Variants in ADCY3 observed in about 807,000 individuals in gnomAD.
ADCY3 encodes the protein adenylate cyclase type 3.
Under a neutral mutation model 119.4 loss-of-function variants are expected in ADCY3, and 70 were observed. That is an observed-to-expected ratio of 0.59 (90% CI 0.48 to 0.72). The LOEUF is 0.72. ADCY3 is among the 30% of genes least tolerant of loss of function. The probability of loss-of-function intolerance (pLI) is 0.00; values close to 1 mark genes in which losing one functional copy is unlikely to be tolerated. For synonymous variants in ADCY3, 672 were observed against 621.4 expected, an observed-to-expected ratio of 1.08 and a Z score of -1.21; for missense variants, 1,238 against 1,541.6, an observed-to-expected ratio of 0.80 and a Z score of 3.30.
Position 24,824,553 on chromosome 2 carries a change from G to A in ADCY3, c.2578-17C>T, listed in dbSNP as rs2148391943. 1 of 1,613,372 alleles carries A rather than the reference G, an allele frequency of 6.2e-7. No homozygotes were observed. Among genetic ancestry groups the A allele is most frequent in the Non-Finnish European group, 8.5e-7 (1 of 1,179,426 alleles). ...TTTTTCTACCTACAGACACAGACAA[G>A]GCGAGGCATGTGCTCTAAGCTGGCC... On this transcript the variant is annotated splice_polypyrimidine_tract_variant and intron_variant, in intron 16 of 21. Transcript: ENST00000679454.
At chr2:24,911,697 T>TTGG (rs1224356727) in intron 2 of ADCY3, among the ~76,000 whole-genome samples, 1 of 147,512 alleles carries the variant, frequency 6.8e-6, no homozygotes, top group Non-Finnish European at 1.5e-5. Flanking sequence ...TGAATTTTTT[T>TTGG]TGGTGGTTGT....
At position 24,856,456 on chromosome 2, in the gene ADCY3, C is replaced by A. The variant is rs112792816; in HGVS notation, c.826-14072G>T. ...TAATCCAGATTCTTAGAGTGTCCAG[C>A]CAATTTGGAAGCCAAAAAGTCACTG... On this transcript the variant is annotated intron_variant, in intron 3 of 21. Coordinates refer to ENST00000679454, the MANE Select transcript of ADCY3 (RefSeq NM_004036.5). 1.4e-3 allele frequency among the ~76,000 whole-genome samples: 211 copies of A among 152,240 alleles called. 2 individuals are homozygous for A. Among genetic ancestry groups the A allele is most frequent in the Middle Eastern group, 3.4e-3 (1 of 294 alleles).
At position 24,899,004 on chromosome 2, in the gene ADCY3, A is replaced by G. The variant is rs1259550012; in HGVS notation, c.675+19309T>C. Among the ~76,000 whole-genome samples, 1 of 151,100 alleles carries G rather than the reference A, an allele frequency of 6.6e-6. No individual in the cohort carries two copies. The highest frequency in any genetic ancestry group is 1.5e-5 in the Non-Finnish European group (1 of 67,748). ...ACCACGCACTCAATAGCCTCCAAAC[A>G]CTCCACTGTCCCCTCATGCCCCTTG... On this transcript the variant is annotated intron_variant, in intron 2 of 21. Coordinates refer to ENST00000679454, the MANE Select transcript of ADCY3 (RefSeq NM_004036.5). The surrounding 1 kb of genome is among the most constrained non-coding windows in gnomAD (Gnocchi z 4.5).
intron 2 of ADCY3, among the ~76,000 whole-genome samples, chr2:24,911,210 A>G (rs925212186): frequency 4.0e-5 from 6 of 148,246 alleles, no homozygotes; most frequent in African/African-American, 1.0e-4. Context: ...GGGAAGATAT[A>G]AGGGTTCTTT....
At chr2:24,822,861 G>C (rs1291922861) in intron 18 of ADCY3, among the ~76,000 whole-genome samples, 2 of 152,174 alleles carry the variant, frequency 1.3e-5, no homozygotes, top group Admixed American at 6.5e-5. Context: ...AGTCTCCTAG[G>C]GGGGCTCCGC....
Position 24,831,660 on chromosome 2 carries a change from AC to A in ADCY3, c.2055+1del. On this transcript the variant is annotated splice_donor_variant, in intron 12 of 21. Coordinates refer to ENST00000679454, the MANE Select transcript of ADCY3 (RefSeq NM_004036.5). LOFTEE classifies it high-confidence loss of function. ...TGAGCTCAGTAGAAAAGTGCCTCTT[AC>A]CCGGGGAAAGATGGCAGCCAGGGAG... The A allele has an allele frequency of 6.3e-7, 1 of 1,594,306 alleles. No homozygotes were observed. The highest frequency in any genetic ancestry group is 8.6e-7 in the Non-Finnish European group (1 of 1,162,772).
rs946265738 is a variant in ADCY3 at position 24,842,499 on chromosome 2, C to T, written c.826-115G>A. 2.2e-5 allele frequency: 30 copies of T among 1,372,386 alleles called. No individual in the cohort carries two copies. Among genetic ancestry groups the T allele is most frequent in the Admixed American group, 4.1e-5 (2 of 49,048 alleles). 85.0% of individuals were successfully genotyped at this position (1,372,386 alleles called of 1,614,324 possible). A position where few individuals can be genotyped will look rare whatever the true frequency, so the allele number is the denominator to read the frequency against. On this transcript the variant is annotated intron_variant, in intron 3 of 21. Transcript: ENST00000679454. The surrounding 1 kb of genome is among the most constrained non-coding windows in gnomAD (Gnocchi z 4.9). ...CAAGAAACGTGAGCAGGGAACCATG[C>T]TGCCCTCCAGAGAGACCTCACAGAT... is the stretch of plus-strand genomic sequence containing the variant.
At chr2:24,908,615 TA>T (rs36048912) in intron 2 of ADCY3, among the ~76,000 whole-genome samples, 79,199 of 151,842 alleles carry the variant, frequency 0.52, 22,825 homozygotes, top group African/African-American at 0.78. Flanking sequence ...CGCCTCTATA[TA>T]ATTACCCACC....
At chr2:24,857,572 A>T (rs1182796175) in intron 3 of ADCY3, among the ~76,000 whole-genome samples, 1 of 152,256 alleles carries the variant, frequency 6.6e-6, no homozygotes, top group Non-Finnish European at 1.5e-5. Flanking sequence ...AAATAGCTAC[A>T]TATGACAAGT....
intron 17 of ADCY3, 94 bp downstream of exon 17, chr2:24,824,284 C>T: frequency 6.6e-7 from 1 of 1,504,430 alleles, no homozygotes; most frequent in Non-Finnish European, 9.0e-7. Context: ...TCCCCTGTCC[C>T]TGAGAAGGCC....
Position 24,877,455 on chromosome 2 carries a change from G to A in ADCY3, c.676-4736C>T, listed in dbSNP as rs184145648. Among the ~76,000 whole-genome samples, 574 of 152,286 alleles carry A rather than the reference G, an allele frequency of 3.8e-3. 1 individual carries two copies. Among genetic ancestry groups the A allele is most frequent in the Non-Finnish European group, 6.1e-3 (414 of 68,032 alleles). On this transcript the variant is annotated intron_variant, in intron 2 of 21. Transcript: ENST00000679454. ...CCACCCCCGCCTGAAGAACAAAGAG[G>A]AACAAGGCTCGGTCGCTCCCCTGAG...
intron 3 of ADCY3, among the ~76,000 whole-genome samples, chr2:24,869,499 G>A (rs1674706993): frequency 6.6e-6 from 1 of 152,168 alleles, no homozygotes; most frequent in African/African-American, 2.4e-5. Context: ...TCAACCTCCT[G>A]GGCTCAAGCG....
At position 24,820,090 on chromosome 2, in the gene ADCY3, G is replaced by T; in HGVS notation, c.3277C>A (p.Leu1093Ile). The T allele has an allele frequency of 6.4e-7, 1 of 1,558,092 alleles. No individual in the cohort carries two copies. The highest frequency in any genetic ancestry group is 8.7e-7 in the Non-Finnish European group (1 of 1,151,744). ...ACAAAGCGGAAGCCGTACTCTCGGA[G>T]GATGACTTGGGTTTCTTCTACCACC... Reference protein sequence around the residue: ...IQVVEETQVILREYGFRFVRR... With the variant: ...IQVVEETQVIIREYGFRFVRR... The change falls in exon 22 of 22, where the codon CTC becomes ATC. Residue 1093 changes from leucine to isoleucine, a missense_variant. This residue lies in a region of ADCY3 where 86 missense variants were observed against 70.7 expected (regional missense o/e 1.22). Transcript: ENST00000679454.
chr2:24,881,096 A>T (rs1243052163), intron 2 of ADCY3, among the ~76,000 whole-genome samples: 1 of 152,136 alleles, frequency 6.6e-6, no homozygotes, highest in Non-Finnish European at 1.5e-5. Flanking sequence ...CAGCATCTAT[A>T]AAAGCAGCAC....
intron 3 of ADCY3, among the ~76,000 whole-genome samples, chr2:24,854,010 G>C (rs1365868499): frequency 6.6e-6 from 1 of 152,146 alleles, no homozygotes; most frequent in Non-Finnish European, 1.5e-5. Flanking sequence ...CTTTGGTGTT[G>C]TCTCTCCTTT....
chr2:24,872,798 G>A lies in ADCY3; in HGVS notation c.676-79C>T. ...AAAAGGGGATGGAGAAGGGGATGGA[G>A]GAGGTGGGGTGGGTGGTGACCAAAA... is the stretch of plus-strand genomic sequence containing the variant. On this transcript the variant is annotated intron_variant, in intron 2 of 21. Coordinates refer to ENST00000679454, the MANE Select transcript of ADCY3 (RefSeq NM_004036.5). The surrounding 1 kb of genome is among the most constrained non-coding windows in gnomAD (Gnocchi z 4.4). 2.6e-6 allele frequency: 4 copies of A among 1,545,770 alleles called. No individual in the cohort carries two copies. Among genetic ancestry groups the A allele is most frequent in the South Asian group, 1.2e-5 (1 of 83,368 alleles).
At chr2:24,876,198 C>T (rs1675693496) in intron 2 of ADCY3, among the ~76,000 whole-genome samples, 1 of 152,170 alleles carries the variant, frequency 6.6e-6, no homozygotes, top group African/African-American at 2.4e-5. Context: ...CTATATTGCC[C>T]AGGCTAGTCT....
At chr2:24,865,332 C>G (rs772857374) in intron 3 of ADCY3, among the ~76,000 whole-genome samples, 11 of 152,086 alleles carry the variant, frequency 7.2e-5, no homozygotes, top group Non-Finnish European at 1.3e-4. Context: ...ATAGTCCCAG[C>G]TACTTGGGAG....
chr2:24,887,215 C>T (rs9631062), intron 2 of ADCY3, among the ~76,000 whole-genome samples: 48,600 of 151,888 alleles, frequency 0.32, 7,960 homozygotes, highest in East Asian at 0.37. Context: ...CTTTATAATA[C>T]CATCGGATCT....
Sources: gnomAD v4.1 joint callset for allele counts (sites outside exome capture counted in the v4.1 genomes callset) on GRCh38, gnomAD v4.1.1 for gene constraint, gnomAD v4.1.1 regional missense constraint, Gnocchi (gnomAD v3.1) non-coding constraint, MANE v1.5 for transcripts, NCBI Gene and HGNC (gene_info 2026-07-23, HGNC 2026-07-21) for gene names.